NAALADL2: variants seen among roughly 807,000 people sequenced by gnomAD.
NAALADL2 encodes the protein inactive N-acetylated-alpha-linked acidic dipeptidase-like protein 2.
In NAALADL2, 76 loss-of-function variants were observed where a neutral mutation model predicts 87.2. That is an observed-to-expected ratio of 0.87 (90% CI 0.72 to 1.05). The LOEUF is 1.05. Among genes scored for constraint, NAALADL2 ranks in the 50% least tolerant of loss-of-function variants. The pLI is 0.00. For synonymous variants in NAALADL2, 354 were observed against 331.0 expected, an observed-to-expected ratio of 1.07 and a Z score of -0.75; for missense variants, 1,089 against 945.8, an observed-to-expected ratio of 1.15 and a Z score of -1.99.
intron 1 of NAALADL2, among the ~76,000 whole-genome samples, chr3:174,488,505 G>T (rs1398211346): frequency 6.6e-6 from 1 of 152,056 alleles, no homozygotes; most frequent in Non-Finnish European, 1.5e-5. Flanking sequence ...TGCTTTTAAT[G>T]TGCTGTACAA....
intron 1 of NAALADL2, among the ~76,000 whole-genome samples, chr3:175,002,828 C>CTACAGGAA (rs1166057191): frequency 6.6e-6 from 1 of 152,084 alleles, no homozygotes; most frequent in East Asian, 1.9e-4. Flanking sequence ...AAACAGTTTC[C>CTACAGGAA]TACAGGAATT....
chr3:174,782,820 A>G (rs574402178), intron 3 of NAALADL2, among the ~76,000 whole-genome samples: 127 of 152,220 alleles, frequency 8.3e-4, no homozygotes, highest in African/African-American at 2.9e-3. Context: ...TATCACAAGA[A>G]CAGCATGGAG....
intron 5 of NAALADL2, among the ~76,000 whole-genome samples, chr3:175,421,824 C>A (rs9866898): frequency 0.64 from 97,594 of 151,764 alleles, 31,583 homozygotes; most frequent in East Asian, 0.8. Flanking sequence ...ATTTAGGAGG[C>A]CTTTGATAGA....
chr3:175,338,326 T>C (rs1762206308), intron 5 of NAALADL2, among the ~76,000 whole-genome samples: 1 of 152,080 alleles, frequency 6.6e-6, no homozygotes, highest in Admixed American at 6.6e-5. Flanking sequence ...TTGTTACCTC[T>C]TTTGTGAGTG....
intron 9 of NAALADL2, among the ~76,000 whole-genome samples, chr3:175,545,398 A>C (rs978567830): frequency 6.6e-6 from 1 of 152,248 alleles, no homozygotes; most frequent in East Asian, 1.9e-4. Context: ...GACACCAATG[A>C]ATACCACCAC....
intron 3 of NAALADL2, among the ~76,000 whole-genome samples, chr3:174,791,454 G>A (rs536350113): frequency 9.2e-5 from 14 of 152,264 alleles, no homozygotes; most frequent in African/African-American, 3.1e-4. Flanking sequence ...ACATAAACAG[G>A]CCCTCACCAG....
At chr3:175,100,567 G>A (rs1560026743) in intron 2 of NAALADL2, among the ~76,000 whole-genome samples, 1 of 152,168 alleles carries the variant, frequency 6.6e-6, no homozygotes, top group Non-Finnish European at 1.5e-5. Flanking sequence ...GCCAGGGGCA[G>A]TGGGTAATGC....
intron 5 of NAALADL2, among the ~76,000 whole-genome samples, chr3:175,409,755 ATTTTTTC>A (rs917629697): frequency 6.6e-6 from 1 of 151,948 alleles, no homozygotes; most frequent in African/African-American, 2.4e-5. Context: ...TTTCAGAGCA[ATTTTTTC>A]TTGTTTTAGA....
intron 11 of NAALADL2, among the ~76,000 whole-genome samples, chr3:175,687,876 C>T (rs78745873): frequency 0.051 from 7,698 of 151,914 alleles, 681 homozygotes; most frequent in African/African-American, 0.18. Flanking sequence ...ACCTGTTCCC[C>T]CTTCGCCTTC....
intron 9 of NAALADL2, among the ~76,000 whole-genome samples, chr3:175,566,036 G>C (rs1221993622): frequency 6.6e-6 from 1 of 151,956 alleles, no homozygotes; most frequent in Non-Finnish European, 1.5e-5. Flanking sequence ...TGCCATGTTG[G>C]CCAGGCTGGT....
chr3:175,568,114 A>AT (rs112937547), intron 9 of NAALADL2, among the ~76,000 whole-genome samples: 7,820 of 146,830 alleles, frequency 0.053, 658 homozygotes, highest in African/African-American at 0.18. Flanking sequence ...TTAATTTTTA[A>AT]TTTTTTTTTT....
chr3:174,607,783 C>T lies in NAALADL2; in HGVS notation c.-115+57146C>T, dbSNP rs189937577. Among the ~76,000 whole-genome samples, 503 of 152,176 alleles carry T rather than the reference C, an allele frequency of 3.3e-3. 1 individual carries two copies. Among genetic ancestry groups the T allele is most frequent in the African/African-American group, 0.011 (463 of 41,512 alleles). On this transcript the variant is annotated intron_variant, in intron 2 of 3. Coordinates refer to the NAALADL2 transcript ENST00000434257. Reference sequence around the variant, plus strand: ...GAGACAGAAAGTTAACAAGGATACCCAGGAAGTGAACTCAGCTCTTCACCA... The same window carrying T: ...GAGACAGAAAGTTAACAAGGATACCTAGGAAGTGAACTCAGCTCTTCACCA...
At chr3:174,647,600 T>C (rs1343745057) in intron 2 of NAALADL2, among the ~76,000 whole-genome samples, 2 of 152,214 alleles carry the variant, frequency 1.3e-5, no homozygotes, top group Non-Finnish European at 2.9e-5. Context: ...AAGCAAGACA[T>C]ATCTGAGAGC....
chr3:175,206,327 C>T (rs1740909492), intron 2 of NAALADL2, among the ~76,000 whole-genome samples: 2 of 140,662 alleles, frequency 1.4e-5, no homozygotes, highest in African/African-American at 5.5e-5. Context: ...TACATACACA[C>T]ACACACACAT....
chr3:175,457,862 A>AT (rs1560582309), intron 6 of NAALADL2, among the ~76,000 whole-genome samples: 1 of 151,334 alleles, frequency 6.6e-6, no homozygotes, highest in Non-Finnish European at 1.5e-5. Flanking sequence ...TAAAGAAGAG[A>AT]TTTTTCCTTT....
At chr3:175,567,339 G>A (rs937234174) in intron 9 of NAALADL2, among the ~76,000 whole-genome samples, 5 of 151,966 alleles carry the variant, frequency 3.3e-5, no homozygotes, top group African/African-American at 1.2e-4. Context: ...CCAGCTAGAA[G>A]CTGGAGTAAA....
intron 1 of NAALADL2, among the ~76,000 whole-genome samples, chr3:174,494,045 G>A (rs1219862382): frequency 6.6e-6 from 1 of 152,100 alleles, no homozygotes; most frequent in East Asian, 1.9e-4. Flanking sequence ...TATGCCAGGT[G>A]GAGAAAGTAT....
At chr3:174,738,530 G>A (rs1733440706) in intron 3 of NAALADL2, among the ~76,000 whole-genome samples, 1 of 152,146 alleles carries the variant, frequency 6.6e-6, no homozygotes. Context: ...GTAAAAGCTG[G>A]TAGGCCTACG....
At chr3:175,084,390 T>G (rs1718461725) in intron 1 of NAALADL2, among the ~76,000 whole-genome samples, 1 of 152,136 alleles carries the variant, frequency 6.6e-6, no homozygotes, top group Non-Finnish European at 1.5e-5. Context: ...TGCCTGGAAC[T>G]TTAGTTTGGG....
Sources: allele counts gnomAD v4.1 joint callset (sites outside exome capture counted in the v4.1 genomes callset), GRCh38; gene constraint gnomAD v4.1.1; transcripts MANE v1.5; gene names NCBI Gene and HGNC (gene_info 2026-07-23, HGNC 2026-07-21).